The following BTK variants were observed in gnomAD, a reference collection of about 807,000 sequenced individuals.
The protein encoded by BTK is Bruton tyrosine kinase.
BTK carries 5 observed loss-of-function variants against 57.4 expected under a neutral mutation model. That is an observed-to-expected ratio of 0.09 (90% CI 0.05 to 0.18). BTK has a LOEUF of 0.18. Among genes scored for constraint, BTK ranks in the 10% least tolerant of loss-of-function variants. The probability of loss-of-function intolerance (pLI) is 1.00; values close to 1 mark genes in which losing one functional copy is unlikely to be tolerated. For synonymous variants in BTK, 154 were observed against 174.3 expected (o/e 0.88, Z 0.92); for missense variants, 194 against 501.2 (o/e 0.39, Z 5.85).
intron 1 of BTK, among the ~76,000 whole-genome samples, chrX:101,376,170 A>G (rs1419122314): frequency 2.7e-5 from 3 of 111,767 alleles, no homozygotes; most frequent in African/African-American, 9.8e-5. Flanking sequence ...GGTAACTGAA[A>G]CACAGAAAGA....
At chrX:101,381,146 T>G (rs1336818571) in intron 1 of BTK, among the ~76,000 whole-genome samples, 1 of 111,090 alleles carries the variant, frequency 9.0e-6, no homozygotes, top group Non-Finnish European at 1.9e-5. Flanking sequence ...TTTAATTCAT[T>G]TTTATATGCA....
At chrX:101,354,747 G>A in intron 15 of BTK, 53 bp from the exon 16 acceptor site, 2 of 1,123,592 alleles carry the variant, frequency 1.8e-6, no homozygotes, top group Non-Finnish European at 2.5e-6. Flanking sequence ...AGAGGTTAAA[G>A]GCACAAAGCT....
At chrX:101,388,088 G>T (rs1484805740), upstream of BTK, among the ~76,000 whole-genome samples, 1 of 110,702 alleles carries the variant, frequency 9.0e-6, no homozygotes, top group Non-Finnish European at 1.9e-5. Context: ...GGATGGTCTC[G>T]ATCTCCTGAC....
Position 101,353,895 on chromosome X carries a change from G to A in BTK, c.1725C>T (p.Ser575=). Residue 575 remains serine, a synonymous_variant, in exon 17 of 19, where the codon AGC becomes AGT. Transcript: ENST00000308731. Reference sequence around the variant, plus strand: ...CAAAAGCCCAAATGTCAGATTTGCTGCTGAACTTGCTATACATCAGGACTT... The same window carrying A: ...CAAAAGCCCAAATGTCAGATTTGCTACTGAACTTGCTATACATCAGGACTT... ...PPEVLMYSKF[S]SKSDIWAFGV... 1.7e-6 allele frequency: 2 copies of A among 1,210,433 alleles called. No individual in the cohort carries two copies. The highest frequency in any genetic ancestry group is 2.2e-6 in the Non-Finnish European group (2 of 893,917).
At chrX:101,373,061 G>A (rs1041868895) in intron 3 of BTK, among the ~76,000 whole-genome samples, 2 of 108,906 alleles carry the variant, frequency 1.8e-5, no homozygotes, top group East Asian at 2.9e-4. Flanking sequence ...CAGCCTGGGC[G>A]ACACAGCGAG....
intron 5 of BTK, among the ~76,000 whole-genome samples, chrX:101,368,861 G>A (rs782658031): frequency 8.9e-6 from 1 of 112,212 alleles, no homozygotes; most frequent in South Asian, 3.7e-4. Flanking sequence ...TCAAGGGAGT[G>A]TACAAGGCTG....
upstream of BTK, among the ~76,000 whole-genome samples, chrX:101,389,448 C>T (rs1168635649): frequency 9.0e-6 from 1 of 111,448 alleles, no homozygotes; most frequent in East Asian, 2.8e-4. Flanking sequence ...AAAGAAAATG[C>T]TGGAAGTTTG....
In BTK at chrX:101,357,554, A is replaced by G. The variant is rs1321990671; in HGVS notation, c.1132T>C (p.Ser378Pro). 2 of 1,208,632 alleles carry G rather than the reference A, an allele frequency of 1.7e-6. No individual in the cohort carries two copies. Among genetic ancestry groups the G allele is most frequent in the Non-Finnish European group, 2.2e-6 (2 of 894,393 alleles). The part of the protein sequence containing the change: ...GLISRLKYPV[S>P]QQNKNAPSTA... ...GAAGGTGCATTCTTGTTTTGTTGAG[A>G]CACTGGATATTTGAGCCTGGATATG... is the stretch of plus-strand genomic sequence containing the variant. The change falls in exon 13 of 19, where the codon TCT becomes CCT. Residue 378 changes from serine to proline, a missense_variant. By Grantham distance (74) the Ser-to-Pro change is moderately conservative (BLOSUM62 -1). Around this residue, in one of 3 missense-constraint regions of BTK, gnomAD observed 79 missense variants for 217.7 expected, o/e 0.36. Transcript: ENST00000308731.
At chrX:101,369,121 G>A (rs1156348208) in intron 5 of BTK, among the ~76,000 whole-genome samples, 2 of 112,468 alleles carry the variant, frequency 1.8e-5, no homozygotes, top group Non-Finnish European at 3.8e-5. Context: ...CTGTATGGTT[G>A]ATGTGAAATG....
At chrX:101,374,136 C>T (rs1330612242) in intron 3 of BTK, among the ~76,000 whole-genome samples, 1 of 111,338 alleles carries the variant, frequency 9.0e-6, no homozygotes, top group Non-Finnish European at 1.9e-5. Context: ...TTATGTCTCT[C>T]GCTCCGGAAA....
intron 10 of BTK, 100 bp downstream of exon 10, chrX:101,359,193 T>G: frequency 1.1e-6 from 1 of 947,665 alleles, no homozygotes; most frequent in Non-Finnish European, 1.5e-6. Flanking sequence ...ATGGCAGCTT[T>G]GACACTGCCT....
chrX:101,380,627 G>C (rs188421248), intron 1 of BTK, among the ~76,000 whole-genome samples: 162 of 111,017 alleles, frequency 1.5e-3, no homozygotes, highest in African/African-American at 4.9e-3. Flanking sequence ...AATATCTTGA[G>C]TTTGGTGTTT....
At chrX:101,390,748 C>T (rs1555983163), upstream of BTK, 14 of 458,589 alleles carry the variant, frequency 3.1e-5, no homozygotes, top group Non-Finnish European at 5.3e-5. Flanking sequence ...GCTCCCTTCA[C>T]TGAACGCCAC....
In BTK at chrX:101,378,734, G is replaced by A. The variant is rs182858063; in HGVS notation, c.-30-3420C>T. ...CCTCCCAGCTCCCTATGGAGCAACA[G>A]AATTCAGAAAGACGAAGCTTATTAA... On this transcript the variant is annotated intron_variant, in intron 1 of 18. Coordinates refer to ENST00000308731, the MANE Select transcript of BTK (RefSeq NM_000061.3). Among the ~76,000 whole-genome samples, 3 of 111,665 alleles carry A rather than the reference G, an allele frequency of 2.7e-5. No individual in the cohort carries two copies. In the Admixed American group the frequency reaches 2.9e-4, roughly 11 times the overall value.
chrX:101,360,251 G>A, intron 8 of BTK, 101 bp from the exon 9 acceptor site: 1 of 625,135 alleles, frequency 1.6e-6, no homozygotes, highest in Non-Finnish European at 2.7e-6. Flanking sequence ...ATCTCAAATG[G>A]AGGTATATGT....
intron 18 of BTK, among the ~76,000 whole-genome samples, chrX:101,351,304 A>T (rs1555977004): frequency 8.9e-6 from 1 of 112,132 alleles, no homozygotes; most frequent in Non-Finnish European, 1.9e-5. Flanking sequence ...AGTAATCTGC[A>T]TTTTTAAGAG....
At chrX:101,369,620 T>C (rs1926959247) in intron 5 of BTK, among the ~76,000 whole-genome samples, 1 of 112,110 alleles carries the variant, frequency 8.9e-6, no homozygotes, top group South Asian at 3.7e-4. Flanking sequence ...AAAATTGCAC[T>C]AGAGAGATAG....
intron 5 of BTK, among the ~76,000 whole-genome samples, chrX:101,364,126 C>T (rs1015198507): frequency 9.3e-6 from 1 of 108,094 alleles, no homozygotes; most frequent in African/African-American, 3.3e-5. Flanking sequence ...AACTAAAATC[C>T]GGCTGGGTGT....
intron 1 of BTK, among the ~76,000 whole-genome samples, chrX:101,384,553 C>T (rs78425612): frequency 0.055 from 5,947 of 108,525 alleles, 441 homozygotes; most frequent in African/African-American, 0.19. Flanking sequence ...GCTGAGATCC[C>T]GAGATCGTGC....
Sources: gnomAD v4.1 joint callset for allele counts (sites outside exome capture counted in the v4.1 genomes callset) on GRCh38, gnomAD v4.1.1 for gene constraint, gnomAD v4.1.1 regional missense constraint, MANE v1.5 for transcripts, NCBI Gene and HGNC (gene_info 2026-07-23, HGNC 2026-07-21) for gene names.